MYO7B: variants seen among roughly 807,000 people sequenced by gnomAD.
MYO7B encodes unconventional myosin-VIIb.
A neutral mutation model predicts 259.7 loss-of-function variants in MYO7B; 212 were observed. The ratio of observed to expected loss-of-function variants is 0.82; its 90% CI spans 0.73 to 0.91. The LOEUF is 0.91. MYO7B is among the 40% of genes least tolerant of loss of function. The pLI is 0.00. For missense variants in MYO7B, 2,732 were observed against 2,813.5 expected, an observed-to-expected ratio of 0.97 and a Z score of 0.66; for synonymous variants, 1,197 against 1,166.4, an observed-to-expected ratio of 1.03 and a Z score of -0.54.
intron 29 of MYO7B, 92 bp downstream of exon 29, chr2:127,623,467 G>A (rs569027368): frequency 3.0e-6 from 4 of 1,334,450 alleles, no homozygotes; most frequent in African/African-American, 1.5e-5. Flanking sequence ...TTCCAGCCCG[G>A]CCACCACCTA....
Position 127,636,871 on chromosome 2 carries a change from G to A in MYO7B, c.6285G>A (p.Gly2095=), listed in dbSNP as rs1315452045. ...GCACCTACTTCCACATGGCGCTGGG[G>A]AGCCTGGGCCGTGGCAGCCGCCTGC... ...SGSTYFHMAL[G]SLGRGSRLLC... Residue 2095 remains glycine, a synonymous_variant, in exon 47 of 48, where the codon GGG becomes GGA. Transcript: ENST00000409816. This position sits in a 1 kb window ranked among gnomAD's most constrained non-coding sequence, Gnocchi z 4.5. The A allele has an allele frequency of 1.2e-6, 2 of 1,613,600 alleles. No homozygotes were observed. The highest frequency in any genetic ancestry group is 1.7e-5 in the Admixed American group (1 of 60,024).
intron 2 of MYO7B, among the ~76,000 whole-genome samples, chr2:127,560,335 A>G (rs1678023948): frequency 6.6e-6 from 1 of 152,120 alleles, no homozygotes; most frequent in South Asian, 2.1e-4. Context: ...GGGATTTCCC[A>G]GTTGCCTCAT....
Position 127,565,231 on chromosome 2 carries a change from AGGAACACT to A in MYO7B, c.135_142del (p.Glu45AspfsTer139). Reference sequence around the variant, plus strand: ...CAGGGGAGTCTGCACCCATTGTTCCAGGAACACTGGATCCGAGCAGAGGACTTTGGTGT... The same window carrying A: ...CAGGGGAGTCTGCACCCATTGTTCCAGGATCCGAGCAGAGGACTTTGGTGT... On this transcript the variant is annotated splice_acceptor_variant and coding_sequence_variant, in exon 4 of 48. Coordinates refer to ENST00000409816, the MANE Select transcript of MYO7B (RefSeq NM_001393586.1). LOFTEE classifies it high-confidence loss of function. The A allele has an allele frequency of 6.2e-7, 1 of 1,613,280 alleles. No homozygotes were observed. Among genetic ancestry groups the A allele is most frequent in the Non-Finnish European group, 8.5e-7 (1 of 1,179,524 alleles).
intron 35 of MYO7B, among the ~76,000 whole-genome samples, chr2:127,630,060 T>TG (rs1681384743): frequency 6.6e-6 from 1 of 152,192 alleles, no homozygotes; most frequent in Non-Finnish European, 1.5e-5. Context: ...TCTTCCATCA[T>TG]GGGGGTGTCC....
At chr2:127,604,132 C>CA (rs1009516643) in intron 19 of MYO7B, among the ~76,000 whole-genome samples, 2 of 151,688 alleles carry the variant, frequency 1.3e-5, no homozygotes, top group South Asian at 2.1e-4. Context: ...GCCTCCATCT[C>CA]AAAAAAAAGA....
At chr2:127,635,538 C>T (rs1167923268) in intron 43 of MYO7B, 184 bp from the exon 44 acceptor site, 9 of 702,766 alleles carry the variant, frequency 1.3e-5, no homozygotes, top group Admixed American at 8.8e-5. Context: ...CACCTCCACG[C>T]AGATGTCAGG....
chr2:127,626,917 G>A (rs1573714314), intron 31 of MYO7B, 58 bp from the exon 32 acceptor site: 1 of 1,453,452 alleles, frequency 6.9e-7, no homozygotes, highest in Non-Finnish European at 9.5e-7. Context: ...TGAGCACTAG[G>A]TGAGGGATTC....
chr2:127,560,423 G>T (rs1302904480), intron 2 of MYO7B, among the ~76,000 whole-genome samples: 1 of 152,160 alleles, frequency 6.6e-6, no homozygotes, highest in Admixed American at 6.5e-5. Context: ...TGAAACCCAG[G>T]TCTGAATCAC....
chr2:127,580,081 G>A (rs1165908511), intron 9 of MYO7B, among the ~76,000 whole-genome samples: 1 of 152,156 alleles, frequency 6.6e-6, no homozygotes, highest in African/African-American at 2.4e-5. Context: ...GTTACGTGGT[G>A]CTGACTTTAT....
At position 127,546,425 on chromosome 2, in the gene MYO7B, C is replaced by G. The variant is rs1269764393; in HGVS notation, c.-24+10594C>G. Among the ~76,000 whole-genome samples the G allele has an allele frequency of 6.6e-6, 1 of 152,214 alleles. No individual in the cohort carries two copies. The highest frequency in any genetic ancestry group is 1.5e-5 in the Non-Finnish European group (1 of 68,046). Reference sequence around the variant, plus strand: ...TGATCTTCCCTGCACCTCCACCTCCCCACTTGCCTTTCAGCATATTCTTAC... The same window carrying G: ...TGATCTTCCCTGCACCTCCACCTCCGCACTTGCCTTTCAGCATATTCTTAC... On this transcript the variant is annotated intron_variant, in intron 1 of 47. Coordinates refer to ENST00000409816, the MANE Select transcript of MYO7B (RefSeq NM_001393586.1). This position sits in a 1 kb window ranked among gnomAD's most constrained non-coding sequence, Gnocchi z 4.2.
At chr2:127,541,360 A>G (rs925864147) in intron 1 of MYO7B, among the ~76,000 whole-genome samples, 1 of 152,240 alleles carries the variant, frequency 6.6e-6, no homozygotes, top group Non-Finnish European at 1.5e-5. Context: ...GGCCGACAGC[A>G]TAGCATAAAA....
At position 127,636,428 on chromosome 2, in the gene MYO7B, C is replaced by T; in HGVS notation, c.6123+104C>T. On this transcript the variant is annotated intron_variant, in intron 45 of 47. Coordinates refer to ENST00000409816, the MANE Select transcript of MYO7B (RefSeq NM_001393586.1). The surrounding 1 kb of genome is among the most constrained non-coding windows in gnomAD (Gnocchi z 4.5). ...AGCACACATCTTGGGTGGGGCTGGC[C>T]GTGAGGCTGGAGGGCGTGGGTGTAT... The T allele has an allele frequency of 6.3e-6, 9 of 1,436,384 alleles. No individual in the cohort carries two copies. Among genetic ancestry groups the T allele is most frequent in the South Asian group, 1.2e-5 (1 of 85,256 alleles). The allele number at this position is 1,436,384 out of a possible 1,614,324, so 89.0% of individuals were successfully genotyped here.
At chr2:127,619,831 C>G (rs1167638041) in intron 26 of MYO7B, among the ~76,000 whole-genome samples, 1 of 152,032 alleles carries the variant, frequency 6.6e-6, no homozygotes, top group Admixed American at 6.5e-5. Context: ...CCCCAACACA[C>G]CCCCACCAGG....
rs1002879241 is a variant in MYO7B, at chr2:127,576,321, G to A, written c.736-274G>A. ...GCCCCGACTCTGTGCCATCACTCCT[G>A]GCCTGGAGACTTTGGGCACAGCAGT... On this transcript the variant is annotated intron_variant, in intron 7 of 47. Coordinates refer to ENST00000409816, the MANE Select transcript of MYO7B (RefSeq NM_001393586.1). The surrounding 1 kb of genome is among the most constrained non-coding windows in gnomAD (Gnocchi z 4.9). Among the ~76,000 whole-genome samples the A allele has an allele frequency of 1.3e-5, 2 of 152,208 alleles. No homozygotes were observed. Among genetic ancestry groups the A allele is most frequent in the African/African-American group, 4.8e-5 (2 of 41,442 alleles).
Position 127,625,468 on chromosome 2 carries a change from C to T in MYO7B, c.4148C>T (p.Pro1383Leu). 8 of 1,612,496 alleles carry T rather than the reference C, an allele frequency of 5.0e-6. No homozygotes were observed. The highest frequency in any genetic ancestry group is 4.4e-5 in the South Asian group (4 of 91,042). Residue 1383 changes from proline to leucine, a missense_variant, in exon 31 of 48, where the codon CCC (proline) becomes CTC (leucine). Transcript: ENST00000409816. ...CAGGAGCTGCTGCCCAGCTGCATCC[C>T]CCACAAGCTGTACAGGACCAAGCCC... Reference protein sequence around the residue: ...AVQELLPSCIPHKLYRTKPPD... With the variant: ...AVQELLPSCILHKLYRTKPPD...
intron 5 of MYO7B, 42 bp from the exon 6 acceptor site, chr2:127,569,746 TA>T: frequency 6.3e-7 from 1 of 1,576,000 alleles, no homozygotes; most frequent in Non-Finnish European, 8.7e-7. Flanking sequence ...TTGAAAAAAA[TA>T]GTCGTTTTGT....
chr2:127,627,579 G>T lies in MYO7B; in HGVS notation c.4460+269G>T, dbSNP rs775480820. Reference sequence around the variant, plus strand: ...ACCCAGGTCCACCCGGAAGGGGCAGGGAAGCGTGCAGCCTCTGGCGGGCAC... The same window carrying T: ...ACCCAGGTCCACCCGGAAGGGGCAGTGAAGCGTGCAGCCTCTGGCGGGCAC... On this transcript the variant is annotated intron_variant, in intron 33 of 47. Coordinates refer to ENST00000409816, the MANE Select transcript of MYO7B (RefSeq NM_001393586.1). The surrounding 1 kb of genome is among the most constrained non-coding windows in gnomAD (Gnocchi z 5.6). 6.8e-6 allele frequency: 4 copies of T among 584,670 alleles called. No homozygotes were observed. The highest frequency in any genetic ancestry group is 5.5e-5 in the African/African-American group (3 of 54,440). The allele number at this position is 584,670 out of a possible 1,614,324, so 36.2% of individuals were successfully genotyped here.
At chr2:127,549,580 T>C (rs780024200) in intron 1 of MYO7B, among the ~76,000 whole-genome samples, 3 of 152,182 alleles carry the variant, frequency 2.0e-5, no homozygotes, top group Non-Finnish European at 2.9e-5. Flanking sequence ...TCAGCAATTG[T>C]TAGTTTCATT....
At chr2:127,558,959 C>A (rs1229704411) in intron 1 of MYO7B, among the ~76,000 whole-genome samples, 1 of 152,128 alleles carries the variant, frequency 6.6e-6, no homozygotes, top group East Asian at 1.9e-4. Context: ...GCTGGTGATG[C>A]GTGCACCAAA....
Sources: gnomAD v4.1 joint callset for allele counts (sites outside exome capture counted in the v4.1 genomes callset) on GRCh38, gnomAD v4.1.1 for gene constraint, Gnocchi (gnomAD v3.1) non-coding constraint, MANE v1.5 for transcripts, NCBI Gene and HGNC (gene_info 2026-07-23, HGNC 2026-07-21) for gene names.